LIPA: variants seen among roughly 807,000 people sequenced by gnomAD.
LIPA encodes the protein lipase A, lysosomal acid type, also known as lysosomal acid lipase/cholesteryl ester hydrolase.
A neutral mutation model predicts 40.6 loss-of-function variants in LIPA; 26 were observed. That is an observed-to-expected ratio of 0.64 (90% CI 0.47 to 0.89). The LOEUF (loss-of-function observed/expected upper bound fraction) is 0.89. Among genes scored for constraint, LIPA ranks in the 40% least tolerant of loss-of-function variants. LIPA has a pLI of 0.00. For missense variants in LIPA, 455 were observed against 479.6 expected, an observed-to-expected ratio of 0.95 and a Z score of 0.48; for synonymous variants, 188 against 168.4, an observed-to-expected ratio of 1.12 and a Z score of -0.90.
chr10:89,375,239 C>T (rs1258630878), intron 2 of LIPA, among the ~76,000 whole-genome samples: 4 of 152,162 alleles, frequency 2.6e-5, no homozygotes, highest in Non-Finnish European at 1.5e-5. Flanking sequence ...AAATGTGAAC[C>T]AACTATCCCA....
intron 3 of LIPA, among the ~76,000 whole-genome samples, chr10:89,238,617 C>T (rs1281293926): frequency 6.6e-6 from 1 of 152,210 alleles, no homozygotes; most frequent in Non-Finnish European, 1.5e-5. Flanking sequence ...AAGACCAACT[C>T]CTCCTCTTCC....
intron 2 of LIPA, among the ~76,000 whole-genome samples, chr10:89,370,170 T>C (rs147815248): frequency 1.3e-5 from 2 of 152,182 alleles, no homozygotes; most frequent in Non-Finnish European, 2.9e-5. Context: ...CAGTGCTCAA[T>C]AGTAATATAT....
intron 3 of LIPA, among the ~76,000 whole-genome samples, chr10:89,240,666 C>G (rs1253088102): frequency 6.6e-6 from 1 of 152,098 alleles, no homozygotes; most frequent in Admixed American, 6.5e-5. Context: ...AATAGTAGAG[C>G]CAGAACTTAC....
chr10:89,382,087 C>T (rs1035362203), intron 2 of LIPA, among the ~76,000 whole-genome samples: 2 of 151,890 alleles, frequency 1.3e-5, no homozygotes, highest in Admixed American at 6.6e-5. Flanking sequence ...TTTTCTTTCC[C>T]TTTATTTTCA....
chr10:89,267,927 A>G (rs1843246528), intron 1 of LIPA, among the ~76,000 whole-genome samples: 1 of 152,138 alleles, frequency 6.6e-6, no homozygotes, highest in Admixed American at 6.5e-5. Flanking sequence ...AATAATGGAA[A>G]GTGGAACTCA....
chr10:89,298,357 G>A (rs1181485723), intron 1 of LIPA, among the ~76,000 whole-genome samples: 1 of 152,134 alleles, frequency 6.6e-6, no homozygotes, highest in African/African-American at 2.4e-5. Flanking sequence ...AAAATGTCAC[G>A]ATAGCCTCCA....
chr10:89,412,206 G>A (rs890265771), intron 2 of LIPA, among the ~76,000 whole-genome samples: 2 of 152,180 alleles, frequency 1.3e-5, no homozygotes, highest in African/African-American at 2.4e-5. Flanking sequence ...TGTTTAGAGG[G>A]GGGATTGAGA....
intron 2 of LIPA, among the ~76,000 whole-genome samples, chr10:89,357,829 T>C (rs1843996445): frequency 6.6e-6 from 1 of 152,158 alleles, no homozygotes; most frequent in African/African-American, 2.4e-5. Context: ...ATGATAACCA[T>C]TAAAATAAGA....
chr10:89,397,376 T>C (rs1220319470), intron 2 of LIPA, among the ~76,000 whole-genome samples: 1 of 145,318 alleles, frequency 6.9e-6, no homozygotes, highest in South Asian at 2.1e-4. Context: ...TTTTAATTAC[T>C]ATCAATTTTC....
At chr10:89,267,488 C>T (rs1843242509) in intron 1 of LIPA, among the ~76,000 whole-genome samples, 2 of 147,902 alleles carry the variant, frequency 1.4e-5, no homozygotes, top group Non-Finnish European at 3.0e-5. Flanking sequence ...AACAAAAAAC[C>T]AAACACCGCA....
chr10:89,413,111 G>T (rs921051419), intron 1 of LIPA, among the ~76,000 whole-genome samples: 1 of 152,106 alleles, frequency 6.6e-6, no homozygotes, highest in African/African-American at 2.4e-5. Context: ...GCAGTGTTTG[G>T]TTTCTGTTCC....
At chr10:89,308,603 C>T (rs551497318) in intron 1 of LIPA, 1 of 152,110 alleles carries the variant, frequency 6.6e-6, no homozygotes, top group Non-Finnish European at 1.5e-5. Flanking sequence ...TGCTGAATAG[C>T]CTAGACATCA....
intron 2 of LIPA, among the ~76,000 whole-genome samples, chr10:89,349,196 G>A (rs1275480411): frequency 6.6e-5 from 10 of 152,210 alleles, no homozygotes. Context: ...GTTCACTGGA[G>A]AGAACACTGG....
intron 2 of LIPA, among the ~76,000 whole-genome samples, chr10:89,380,145 G>T (rs1384567571): frequency 6.6e-6 from 1 of 152,102 alleles, no homozygotes; most frequent in Non-Finnish European, 1.5e-5. Context: ...GAGAGGTTTT[G>T]CAATGGCCTG....
At chr10:89,235,797 A>G (rs909966225) in intron 3 of LIPA, among the ~76,000 whole-genome samples, 1 of 152,272 alleles carries the variant, frequency 6.6e-6, no homozygotes, top group African/African-American at 2.4e-5. Context: ...AAAACTTTGT[A>G]GGATTTGCTC....
At chr10:89,225,025 T>C in intron 6 of LIPA, 67 bp downstream of exon 6, 2 of 1,565,322 alleles carry the variant, frequency 1.3e-6, no homozygotes, top group Non-Finnish European at 8.8e-7. Flanking sequence ...TCCCTCCCCT[T>C]GCCATTTCTT....
chr10:89,405,680 G>A (rs1844518235), intron 2 of LIPA: 2 of 152,194 alleles, frequency 1.3e-5, no homozygotes, highest in African/African-American at 4.8e-5. Context: ...CAGTGTAGTA[G>A]CCTCAAATCT....
chr10:89,218,191 A>G, intron 8 of LIPA, among the ~76,000 whole-genome samples: 1 of 152,356 alleles, frequency 6.6e-6, no homozygotes, highest in Non-Finnish European at 1.5e-5. Context: ...AACGGGTTCA[A>G]CTTTTCTAAA....
At chr10:89,303,539 C>T (rs369193529) in intron 1 of LIPA, among the ~76,000 whole-genome samples, 27 of 152,202 alleles carry the variant, frequency 1.8e-4, no homozygotes, top group African/African-American at 4.8e-4. Context: ...AAGTGTCTGG[C>T]ATCAGCTTCT....
Sources: gnomAD v4.1 joint callset for allele counts (sites outside exome capture counted in the v4.1 genomes callset) on GRCh38, gnomAD v4.1.1 for gene constraint, MANE v1.5 for transcripts, NCBI Gene and HGNC (gene_info 2026-07-23, HGNC 2026-07-21) for gene names.